The following RTN4 variants were observed in gnomAD, a reference collection of about 807,000 sequenced individuals.
RTN4 encodes reticulon-4.
A neutral mutation model predicts 90.4 loss-of-function variants in RTN4; 32 were observed. That is an observed-to-expected ratio of 0.35 (90% CI 0.27 to 0.48). The LOEUF is 0.48. Ranked by LOEUF, RTN4 falls within the 20% of genes least tolerant of loss-of-function variation. RTN4 has a pLI of 0.99. For missense variants in RTN4, 1,706 were observed against 1,430.2 expected, an observed-to-expected ratio of 1.19 and a Z score of -3.11; for synonymous variants, 629 against 552.5, an observed-to-expected ratio of 1.14 and a Z score of -1.94.
chr2:55,045,189 C>A (rs1439356609), intron 1 of RTN4, among the ~76,000 whole-genome samples: 2 of 152,152 alleles, frequency 1.3e-5, no homozygotes, highest in African/African-American at 4.8e-5. Context: ...GAGCAATATT[C>A]AATTTTATAC....
At chr2:54,985,652 G>A (rs1678501830) in intron 4 of RTN4, among the ~76,000 whole-genome samples, 2 of 152,144 alleles carry the variant, frequency 1.3e-5, no homozygotes, top group African/African-American at 2.4e-5. Context: ...CCCTAAACTT[G>A]TATAACATCA....
At chr2:55,093,833 A>G (rs1205248795) in intron 1 of RTN4, among the ~76,000 whole-genome samples, 1 of 152,208 alleles carries the variant, frequency 6.6e-6, no homozygotes, top group Non-Finnish European at 1.5e-5. Flanking sequence ...TCATTTAGCT[A>G]TGCTTCTGTT....
At chr2:55,056,938 G>C (rs1442957229) in intron 2 of RTN4, among the ~76,000 whole-genome samples, 2 of 152,172 alleles carry the variant, frequency 1.3e-5, no homozygotes, top group Non-Finnish European at 2.9e-5. Context: ...CCTAGGTTTA[G>C]GTAGTAGGCT....
the RTN4 span, among the ~76,000 whole-genome samples, chr2:55,129,909 T>G: frequency 1.3e-5 from 2 of 152,186 alleles, no homozygotes; most frequent in South Asian, 4.1e-4. Context: ...TTAGAAAGAC[T>G]AAAAATGCCC....
At chr2:55,021,705 C>G (rs1037874262) in intron 3 of RTN4, among the ~76,000 whole-genome samples, 1 of 152,112 alleles carries the variant, frequency 6.6e-6, no homozygotes, top group African/African-American at 2.4e-5. Flanking sequence ...AGCTAATCCA[C>G]CCTTCCTTTT....
At chr2:55,101,858 T>C (rs1033185379) in intron 1 of RTN4, among the ~76,000 whole-genome samples, 5 of 152,152 alleles carry the variant, frequency 3.3e-5, no homozygotes, top group Non-Finnish European at 5.9e-5. Flanking sequence ...CTGGAAAGAT[T>C]GTATATTTCA....
chr2:55,028,716 TAC>T (rs1241862835), intron 1 of RTN4, among the ~76,000 whole-genome samples: 5 of 152,190 alleles, frequency 3.3e-5, no homozygotes, highest in Non-Finnish European at 1.5e-5. Flanking sequence ...TCTAAGTTGT[TAC>T]AGTCATTGTA....
intron 1 of RTN4, among the ~76,000 whole-genome samples, chr2:55,104,557 A>T (rs1667909298): frequency 6.6e-6 from 1 of 150,460 alleles, no homozygotes; most frequent in Admixed American, 6.6e-5. Context: ...CACCATGTTG[A>T]CGAAGCTGGT....
chr2:55,027,586 G>C, intron 2 of RTN4, 101 bp from the exon 3 acceptor site: 1 of 1,183,486 alleles, frequency 8.4e-7, no homozygotes, highest in Non-Finnish European at 1.2e-6. Flanking sequence ...AAGACTTACT[G>C]TTTACTAAAA....
intron 3 of RTN4, among the ~76,000 whole-genome samples, chr2:55,009,732 G>A (rs372414823): frequency 1.4e-3 from 218 of 152,236 alleles, no homozygotes; most frequent in African/African-American, 4.7e-3. Context: ...AAATAGTCAC[G>A]GAAAATATGT....
chr2:55,003,715 A>G (rs2104758788), intron 3 of RTN4, among the ~76,000 whole-genome samples: 1 of 152,358 alleles, frequency 6.6e-6, no homozygotes, highest in East Asian at 1.9e-4. Context: ...AGCTAGACCT[A>G]TGATGACTGC....
At chr2:55,106,874 A>G (rs547835860) in intron 1 of RTN4, among the ~76,000 whole-genome samples, 1 of 152,310 alleles carries the variant, frequency 6.6e-6, no homozygotes, top group South Asian at 2.1e-4. Flanking sequence ...TGATTCTTTG[A>G]ATGTTTAAAG....
Position 55,025,887 on chromosome 2 carries a change from A to T in RTN4, c.2212T>A (p.Ser738Thr). The change falls in exon 3 of 9, where the codon TCC (serine) becomes ACC (threonine). Residue 738 changes from serine to threonine, a missense_variant. Physicochemically the swap from Ser to Thr is moderately conservative, Grantham distance 58. Transcript: ENST00000337526. ...VPDHSELVED[S>T]SPDSEPVDLF... Reference sequence around the variant, plus strand: ...TCAACTGGTTCAGAATCAGGTGAGGAATCTTCAACTAGCTCAGAATGATCA... The same window carrying T: ...TCAACTGGTTCAGAATCAGGTGAGGTATCTTCAACTAGCTCAGAATGATCA... The T allele has an allele frequency of 6.2e-7, 1 of 1,613,826 alleles. No homozygotes were observed. Among genetic ancestry groups the T allele is most frequent in the Non-Finnish European group, 8.5e-7 (1 of 1,179,864 alleles).
intron 1 of RTN4, chr2:55,049,219 G>A (rs199726705): frequency 1.5e-5 from 15 of 970,306 alleles, no homozygotes; most frequent in African/African-American, 1.8e-5. Flanking sequence ...AGCGCAAAGG[G>A]GCCACCCACG....
At chr2:55,101,987 T>C (rs1667861312) in intron 1 of RTN4, among the ~76,000 whole-genome samples, 1 of 152,114 alleles carries the variant, frequency 6.6e-6, no homozygotes, top group East Asian at 1.9e-4. Context: ...TTATTATTGT[T>C]TTCTACTGAT....
intron 2 of RTN4, among the ~76,000 whole-genome samples, chr2:55,071,417 A>G (rs1573497674): frequency 6.6e-6 from 1 of 152,104 alleles, no homozygotes; most frequent in East Asian, 1.9e-4. Flanking sequence ...AGACATAACT[A>G]AGTCATTACG....
intron 3 of RTN4, among the ~76,000 whole-genome samples, chr2:54,997,197 T>C (rs1365556960): frequency 6.6e-6 from 1 of 152,102 alleles, no homozygotes; most frequent in African/African-American, 2.4e-5. Context: ...AGACAACAGA[T>C]TTGAATAGAC....
chr2:55,001,152 G>C (rs1299402173), intron 3 of RTN4, among the ~76,000 whole-genome samples: 1 of 152,002 alleles, frequency 6.6e-6, no homozygotes, highest in Non-Finnish European at 1.5e-5. Context: ...GGAAACAGAA[G>C]CCAAACATAA....
At chr2:55,062,603 G>T (rs6744637) in intron 2 of RTN4, among the ~76,000 whole-genome samples, 1 of 152,098 alleles carries the variant, frequency 6.6e-6, no homozygotes, top group Non-Finnish European at 1.5e-5. Flanking sequence ...AGATTGTGTC[G>T]CAAGTAGTAC....
Sources: gnomAD v4.1 joint callset for allele counts (sites outside exome capture counted in the v4.1 genomes callset) on GRCh38, gnomAD v4.1.1 for gene constraint, MANE v1.5 for transcripts, NCBI Gene and HGNC (gene_info 2026-07-23, HGNC 2026-07-21) for gene names.